The following KCNH8 variants were observed in gnomAD, a reference collection of about 807,000 sequenced individuals.
KCNH8 encodes the protein voltage-gated delayed rectifier potassium channel KCNH8.
In KCNH8, 70 loss-of-function variants were observed where a neutral mutation model predicts 103.6. The ratio of observed to expected loss-of-function variants is 0.68; its 90% CI spans 0.56 to 0.82. The LOEUF is 0.82. KCNH8 is among the 40% of genes least tolerant of loss of function. KCNH8 has a pLI of 0.00. For missense variants in KCNH8, 1,217 were observed against 1,329.9 expected, an observed-to-expected ratio of 0.92 and a Z score of 1.32; for synonymous variants, 498 against 489.4, an observed-to-expected ratio of 1.02 and a Z score of -0.23.
At chr3:19,189,503 TA>T (rs2063531568) in intron 1 of KCNH8, among the ~76,000 whole-genome samples, 1 of 152,000 alleles carries the variant, frequency 6.6e-6, no homozygotes. Context: ...AGCAATATTT[TA>T]AATAATTAGT....
intron 5 of KCNH8, among the ~76,000 whole-genome samples, chr3:19,367,139 G>A (rs898496922): frequency 6.6e-6 from 1 of 151,614 alleles, no homozygotes; most frequent in South Asian, 2.1e-4. Context: ...TTTTCACCTC[G>A]TTTCATGATC....
intron 1 of KCNH8, among the ~76,000 whole-genome samples, chr3:19,169,226 C>T (rs1391605143): frequency 2.0e-5 from 3 of 151,686 alleles, no homozygotes; most frequent in Non-Finnish European, 2.9e-5. Context: ...CTCCAAATCT[C>T]CTAATCTCAC....
intron 11 of KCNH8, among the ~76,000 whole-genome samples, chr3:19,473,202 G>A (rs1258336134): frequency 1.3e-5 from 2 of 152,162 alleles, no homozygotes; most frequent in Non-Finnish European, 2.9e-5. Flanking sequence ...AGAGAAATGG[G>A]TTAGTCTTCT....
intron 10 of KCNH8, among the ~76,000 whole-genome samples, chr3:19,455,936 T>G (rs1282990697): frequency 6.6e-6 from 1 of 152,062 alleles, no homozygotes; most frequent in Non-Finnish European, 1.5e-5. Context: ...AATTTAAAAA[T>G]TTGCTGTATT....
chr3:19,288,181 C>CTTTTTTTTTTTCTTT lies in KCNH8; in HGVS notation c.442+6863_442+6864insCTTTTTTTTTTTTTT, dbSNP rs2064861256. Among the ~76,000 whole-genome samples, 210 of 38,122 alleles carry CTTTTTTTTTTTCTTT rather than the reference C, an allele frequency of 5.5e-3. 15 individuals are homozygous for CTTTTTTTTTTTCTTT. Among genetic ancestry groups the CTTTTTTTTTTTCTTT allele is most frequent in the African/African-American group, 0.019 (199 of 10,338 alleles). 25.0% of individuals were successfully genotyped at this position (38,122 alleles called of 152,430 possible). The stretch of plus-strand genomic sequence containing the variant: ...CTTCTTGCACCGGTGTATCAAACTT[C>CTTTTTTTTTTTCTTT]TTTTTTTTTTTTTTTTTTTTTTTTT... On this transcript the variant is annotated intron_variant, in intron 3 of 15. Transcript: ENST00000328405.
intron 11 of KCNH8, among the ~76,000 whole-genome samples, chr3:19,488,141 T>G (rs2068247839): frequency 6.6e-6 from 1 of 152,252 alleles, no homozygotes; most frequent in East Asian, 1.9e-4. Flanking sequence ...TAAGGTCTTT[T>G]GTTCTGAATC....
intron 3 of KCNH8, among the ~76,000 whole-genome samples, chr3:19,294,588 T>G (rs1247211612): frequency 1.3e-5 from 2 of 152,208 alleles, no homozygotes; most frequent in African/African-American, 4.8e-5. Context: ...TTAAACTGAT[T>G]TAAAAATTTT....
chr3:19,534,227 G>C lies in KCNH8; in HGVS notation c.*128G>C. The C allele has an allele frequency of 1.5e-6, 1 of 685,298 alleles. No individual in the cohort carries two copies. Among genetic ancestry groups the C allele is most frequent in the South Asian group, 2.0e-5 (1 of 51,136 alleles). The allele number at this position is 685,298 out of a possible 1,614,324, so 42.5% of individuals were successfully genotyped here. On this transcript the variant is annotated 3_prime_UTR_variant, in exon 16 of 16. Transcript: ENST00000328405. ...GGAATCCTGCAGAAAAGAGTGTGAG[G>C]AGCCAGGGAAAGGCAGAACCACCTC...
intron 10 of KCNH8, among the ~76,000 whole-genome samples, chr3:19,454,169 T>C (rs1189994337): frequency 1.3e-5 from 2 of 150,844 alleles, no homozygotes; most frequent in African/African-American, 2.4e-5. Context: ...TGTGTGTGTG[T>C]GTGTGTGTGT....
intron 10 of KCNH8, 152 bp from the exon 11 acceptor site, chr3:19,456,616 T>A: frequency 1.7e-6 from 1 of 595,708 alleles, no homozygotes; most frequent in East Asian, 2.8e-5. Context: ...ATGATGCTAT[T>A]GTATGCCAAA....
chr3:19,167,610 T>G (rs566770601), intron 1 of KCNH8, among the ~76,000 whole-genome samples: 1 of 152,340 alleles, frequency 6.6e-6, no homozygotes, highest in Non-Finnish European at 1.5e-5. Flanking sequence ...TGAAAATACT[T>G]AAGGCACGAG....
Position 19,263,913 on chromosome 3 carries a change from T to C in KCNH8, c.310+10026T>C, listed in dbSNP as rs554796388. Among the ~76,000 whole-genome samples, 150 of 152,114 alleles carry C rather than the reference T, an allele frequency of 9.9e-4. 1 individual carries two copies. Among genetic ancestry groups the C allele is most frequent in the African/African-American group, 3.0e-3 (123 of 41,514 alleles). On this transcript the variant is annotated intron_variant, in intron 2 of 15. Coordinates refer to ENST00000328405, the MANE Select transcript of KCNH8 (RefSeq NM_144633.3). ...TATAAAATTTGCAGTTTTCATAAAGTCTATAGGGCCACCAAACAGTTACCA... is the reference window on the plus strand; with the variant it reads ...TATAAAATTTGCAGTTTTCATAAAGCCTATAGGGCCACCAAACAGTTACCA...
intron 1 of KCNH8, among the ~76,000 whole-genome samples, chr3:19,223,742 C>G (rs1429520203): frequency 6.6e-6 from 1 of 152,126 alleles, no homozygotes; most frequent in Non-Finnish European, 1.5e-5. Context: ...ACTGCAAAAC[C>G]TCTAACTTCT....
chr3:19,303,784 TG>T (rs2065094475), intron 3 of KCNH8, among the ~76,000 whole-genome samples: 1 of 152,086 alleles, frequency 6.6e-6, no homozygotes, highest in South Asian at 2.1e-4. Flanking sequence ...CCTGGAAATT[TG>T]TAAACACTCA....
intron 11 of KCNH8, among the ~76,000 whole-genome samples, chr3:19,470,885 C>G (rs1432115867): frequency 6.6e-6 from 1 of 152,142 alleles, no homozygotes; most frequent in Non-Finnish European, 1.5e-5. Flanking sequence ...ATAGGGAGCA[C>G]ATAAAAAGCT....
Position 19,180,092 on chromosome 3 carries a change from T to A in KCNH8, c.76+31297T>A, listed in dbSNP as rs2063436354. Among the ~76,000 whole-genome samples the A allele has an allele frequency of 2.0e-5, 3 of 152,136 alleles. No individual in the cohort carries two copies. In the South Asian group the frequency reaches 6.2e-4, roughly 31 times the overall value. On this transcript the variant is annotated intron_variant, in intron 1 of 15. Coordinates refer to ENST00000328405, the MANE Select transcript of KCNH8 (RefSeq NM_144633.3). ...CCCTCAAAACATTTAAAAGTCAAAA[T>A]CATGCTTCAGAATCAGTATTTTCTG...
intron 15 of KCNH8, among the ~76,000 whole-genome samples, chr3:19,529,665 G>T (rs2069126984): frequency 6.6e-6 from 1 of 152,166 alleles, no homozygotes; most frequent in Non-Finnish European, 1.5e-5. Flanking sequence ...GGCATTTTCT[G>T]TGGCAGTATG....
chr3:19,150,303 T>C (rs1274080822), intron 1 of KCNH8, among the ~76,000 whole-genome samples: 3 of 152,138 alleles, frequency 2.0e-5, no homozygotes, highest in Non-Finnish European at 4.4e-5. Context: ...CGGATACTAC[T>C]ATTTTACTAT....
At chr3:19,362,175 A>G (rs2065955620) in intron 5 of KCNH8, among the ~76,000 whole-genome samples, 1 of 152,184 alleles carries the variant, frequency 6.6e-6, no homozygotes, top group Non-Finnish European at 1.5e-5. Flanking sequence ...ACAGACTAAC[A>G]GGGCAAAAAA....
Sources: gnomAD v4.1 joint callset for allele counts (sites outside exome capture counted in the v4.1 genomes callset) on GRCh38, gnomAD v4.1.1 for gene constraint, MANE v1.5 for transcripts, NCBI Gene and HGNC (gene_info 2026-07-23, HGNC 2026-07-21) for gene names.